The following USP12 variants were observed in gnomAD, a reference collection of about 807,000 sequenced individuals.
USP12 encodes the protein ubiquitin specific peptidase 12, also known as ubiquitin carboxyl-terminal hydrolase 12.
A neutral mutation model predicts 45.5 loss-of-function variants in USP12; 19 were observed. The ratio of observed to expected loss-of-function variants is 0.42; its 90% CI spans 0.29 to 0.61. The LOEUF (loss-of-function observed/expected upper bound fraction) is 0.61. Among genes scored for constraint, USP12 ranks in the 20% least tolerant of loss-of-function variants. USP12 has a pLI of 0.22. For missense variants in USP12, 242 were observed against 447.7 expected (o/e 0.54, Z 4.15); for synonymous variants, 149 against 148.8 (o/e 1.00, Z -0.01).
intron 1 of USP12, among the ~76,000 whole-genome samples, chr13:27,134,373 GAC>G (rs1876686833): frequency 6.6e-6 from 1 of 152,122 alleles, no homozygotes; most frequent in East Asian, 1.9e-4. Context: ...TCTGAAAAGA[GAC>G]ACAGAAAAAA....
chr13:27,156,916 C>T (rs748100446), intron 1 of USP12, among the ~76,000 whole-genome samples: 14 of 152,128 alleles, frequency 9.2e-5, no homozygotes, highest in Non-Finnish European at 1.5e-4. Context: ...CATGATCCGG[C>T]GGCAAAAGCA....
chr13:27,092,964 A>G (rs1874384530), intron 4 of USP12, among the ~76,000 whole-genome samples: 2 of 152,198 alleles, frequency 1.3e-5, no homozygotes, highest in African/African-American at 2.4e-5. Flanking sequence ...TAGGAGGCCA[A>G]GGTGGGTGGA....
chr13:27,112,210 G>A (rs1203694819), intron 2 of USP12, among the ~76,000 whole-genome samples: 1 of 151,692 alleles, frequency 6.6e-6, no homozygotes, highest in South Asian at 2.1e-4. Context: ...CTACCTCTTA[G>A]AATTTCTTAA....
chr13:27,080,716 A>G (rs1019302362), intron 6 of USP12, among the ~76,000 whole-genome samples: 1 of 152,210 alleles, frequency 6.6e-6, no homozygotes, highest in African/African-American at 2.4e-5. Context: ...AGGCCACCGC[A>G]ATAAAGTGAG....
intron 8 of USP12, among the ~76,000 whole-genome samples, chr13:27,070,168 A>G (rs1369351393): frequency 6.6e-6 from 1 of 152,252 alleles, no homozygotes; most frequent in African/African-American, 2.4e-5. Context: ...AATGCATCTC[A>G]CAAATATATC....
chr13:27,102,163 A>G (rs1874896228), intron 3 of USP12, among the ~76,000 whole-genome samples: 1 of 152,226 alleles, frequency 6.6e-6, no homozygotes, highest in African/African-American at 2.4e-5. Flanking sequence ...TACAGATGCC[A>G]GCTGATGTGG....
At chr13:27,146,643 A>G (rs1263389160) in intron 1 of USP12, among the ~76,000 whole-genome samples, 2 of 152,164 alleles carry the variant, frequency 1.3e-5, no homozygotes, top group African/African-American at 2.4e-5. Context: ...AAATGAACCA[A>G]TTGCTACTCC....
intron 2 of USP12, among the ~76,000 whole-genome samples, chr13:27,110,127 T>TTAAAAAAAAAA (rs9319342): frequency 6.4e-4 from 77 of 119,620 alleles, no homozygotes; most frequent in African/African-American, 2.3e-3. Flanking sequence ...CTTTTCCAGG[T>TTAAAAAAAAAA]AAAAAAAAAA....
At chr13:27,140,923 T>A (rs544010652) in intron 1 of USP12, among the ~76,000 whole-genome samples, 22 of 152,076 alleles carry the variant, frequency 1.4e-4, no homozygotes, top group African/African-American at 5.1e-4. Context: ...CTAACGCCTT[T>A]TGTAGCTATT....
chr13:27,080,610 G>C (rs1873706389), intron 6 of USP12, among the ~76,000 whole-genome samples: 1 of 152,182 alleles, frequency 6.6e-6, no homozygotes, highest in Admixed American at 6.5e-5. Context: ...AGAAGGCAAG[G>C]AGCTTAGCTC....
At chr13:27,073,751 T>G (rs1873348646) in intron 7 of USP12, among the ~76,000 whole-genome samples, 1 of 152,210 alleles carries the variant, frequency 6.6e-6, no homozygotes. Flanking sequence ...GCGATTTACA[T>G]CTCCCTTTGA....
chr13:27,101,799 C>T (rs1352918663), intron 3 of USP12, among the ~76,000 whole-genome samples: 1 of 152,134 alleles, frequency 6.6e-6, no homozygotes, highest in Non-Finnish European at 1.5e-5. Context: ...AAATTATTTA[C>T]TCAAATATAT....
At chr13:27,099,374 G>A (rs1186844798) in intron 3 of USP12, among the ~76,000 whole-genome samples, 1 of 152,108 alleles carries the variant, frequency 6.6e-6, no homozygotes, top group African/African-American at 2.4e-5. Context: ...TTTAAGAGAT[G>A]GGGGTCTCGC....
chr13:27,114,280 G>C (rs1023256740), intron 2 of USP12, among the ~76,000 whole-genome samples: 2 of 152,108 alleles, frequency 1.3e-5, no homozygotes, highest in African/African-American at 4.8e-5. Flanking sequence ...CTAAATTGTG[G>C]TTTAAATCAC....
At chr13:27,072,142 T>G (rs1314123386) in intron 7 of USP12, among the ~76,000 whole-genome samples, 1 of 152,092 alleles carries the variant, frequency 6.6e-6, no homozygotes, top group East Asian at 1.9e-4. Flanking sequence ...ACATCAAAAC[T>G]TTTTCTTAAA....
intron 1 of USP12, among the ~76,000 whole-genome samples, chr13:27,137,983 A>T (rs1407361869): frequency 6.6e-6 from 1 of 152,262 alleles, no homozygotes; most frequent in Non-Finnish European, 1.5e-5. Context: ...TAGAGCCTTC[A>T]CTTAGTCTTA....
At chr13:27,132,772 A>G (rs113204576) in intron 1 of USP12, among the ~76,000 whole-genome samples, 155 of 152,328 alleles carry the variant, frequency 1.0e-3, no homozygotes, top group African/African-American at 3.6e-3. Flanking sequence ...AGTGCTATGT[A>G]TGAGCTCTTC....
At chr13:27,069,426 G>A (rs1319594464) in intron 8 of USP12, 42 bp from the exon 9 acceptor site, 1 of 1,417,426 alleles carries the variant, frequency 7.1e-7, no homozygotes, top group East Asian at 2.3e-5. Flanking sequence ...AATGAGCTCT[G>A]TACAGCCAGA....
intron 2 of USP12, among the ~76,000 whole-genome samples, chr13:27,110,338 A>T (rs1875377514): frequency 6.6e-6 from 1 of 152,210 alleles, no homozygotes; most frequent in Non-Finnish European, 1.5e-5. Context: ...ATAAGTTCAT[A>T]GGGAAGACAG....
Sources: gnomAD v4.1 joint callset for allele counts (sites outside exome capture counted in the v4.1 genomes callset) on GRCh38, gnomAD v4.1.1 for gene constraint, MANE v1.5 for transcripts, NCBI Gene and HGNC (gene_info 2026-07-23, HGNC 2026-07-21) for gene names.